Variants in VPS45 observed in about 807,000 individuals in gnomAD.
VPS45 encodes vacuolar protein sorting 45 homolog.
In VPS45, 35 loss-of-function variants were observed where a neutral mutation model predicts 75.9. That is an observed-to-expected ratio of 0.46 (90% CI 0.35 to 0.61). The LOEUF (loss-of-function observed/expected upper bound fraction) is 0.61, where lower values mean the gene tolerates loss of function less well. VPS45 is among the 20% of genes least tolerant of loss of function. The pLI is 0.00. For missense variants in VPS45, 559 were observed against 685.9 expected (o/e 0.81, Z 2.07); for synonymous variants, 220 against 238.2 (o/e 0.92, Z 0.70).
At chr1:150,084,703 T>C (rs1655908321) in intron 10 of VPS45, among the ~76,000 whole-genome samples, 1 of 152,178 alleles carries the variant, frequency 6.6e-6, no homozygotes, top group Non-Finnish European at 1.5e-5. Flanking sequence ...CCTGTTATAT[T>C]GGAAACAACT....
At chr1:150,140,871 A>C (rs1331130807) in intron 14 of VPS45, among the ~76,000 whole-genome samples, 3 of 152,224 alleles carry the variant, frequency 2.0e-5, no homozygotes, top group Non-Finnish European at 2.9e-5. Context: ...CGTAACTCTA[A>C]GGGGAAAGCA....
chr1:150,132,175 T>G (rs1553812541), intron 14 of VPS45, among the ~76,000 whole-genome samples: 2 of 152,202 alleles, frequency 1.3e-5, no homozygotes, highest in Non-Finnish European at 2.9e-5. Flanking sequence ...TGGGTTTGTT[T>G]CCTGCAGCCA....
intron 13 of VPS45, among the ~76,000 whole-genome samples, chr1:150,104,595 C>T (rs1368085655): frequency 1.3e-5 from 2 of 152,074 alleles, no homozygotes; most frequent in African/African-American, 2.4e-5. Context: ...CTTGAGACAG[C>T]ATCTCATTCT....
intron 13 of VPS45, among the ~76,000 whole-genome samples, chr1:150,096,451 G>A (rs1166569467): frequency 1.3e-5 from 2 of 152,162 alleles, no homozygotes; most frequent in African/African-American, 2.4e-5. Flanking sequence ...TACTTGTAAC[G>A]AAGAAGTTTA....
intron 4 of VPS45, 169 bp downstream of exon 4, chr1:150,076,481 C>A: frequency 2.0e-6 from 1 of 511,470 alleles, no homozygotes; most frequent in African/African-American, 2.0e-5. Context: ...AGCAAATAAA[C>A]TAGTTTTGAA....
rs587654383 is a variant in VPS45 at position 150,082,486 on chromosome 1, C to T, written c.937-230C>T. On this transcript the variant is annotated intron_variant, in intron 9 of 14. Coordinates refer to ENST00000644510, the MANE Select transcript of VPS45 (RefSeq NM_007259.5). Reference sequence around the variant, plus strand: ...CCAAGATCACGCCACTACACTCCAGCCTGGGCAACAAGAGCAAAACTCTGT... The same window carrying T: ...CCAAGATCACGCCACTACACTCCAGTCTGGGCAACAAGAGCAAAACTCTGT... Among the ~76,000 whole-genome samples the T allele has an allele frequency of 1.8e-3, 264 of 143,984 alleles. 1 individual carries two copies. The highest frequency in any genetic ancestry group is 2.6e-3 in the Admixed American group (37 of 14,090). 94.5% of individuals were successfully genotyped at this position (143,984 alleles called of 152,430 possible). A position where few individuals can be genotyped will look rare whatever the true frequency, so the allele number is the denominator to read the frequency against.
At chr1:150,091,104 C>T (rs587691661) in intron 10 of VPS45, among the ~76,000 whole-genome samples, 2 of 152,298 alleles carry the variant, frequency 1.3e-5, no homozygotes, top group East Asian at 3.9e-4. Context: ...TCTCACAGAA[C>T]TAAAGTACAT....
At chr1:150,143,042 C>G (rs1022145545) in intron 14 of VPS45, 44 of 290,144 alleles carry the variant, frequency 1.5e-4, no homozygotes, top group African/African-American at 9.8e-4. Flanking sequence ...TTGGATACCT[C>G]TGTGTTAAGC....
At chr1:150,101,658 C>T (rs1335297705) in intron 13 of VPS45, among the ~76,000 whole-genome samples, 1 of 151,420 alleles carries the variant, frequency 6.6e-6, no homozygotes, top group Non-Finnish European at 1.5e-5. Flanking sequence ...GGCTTGAACC[C>T]GGGAGGCAAA....
At chr1:150,101,836 G>A (rs1434156966) in intron 13 of VPS45, among the ~76,000 whole-genome samples, 1 of 152,074 alleles carries the variant, frequency 6.6e-6, no homozygotes, top group African/African-American at 2.4e-5. Context: ...CAACCATTGT[G>A]GAAAGCAGTA....
chr1:150,081,502 T>G (rs1553799368), intron 8 of VPS45, 26 bp downstream of exon 8: 15 of 1,586,824 alleles, frequency 9.5e-6, no homozygotes, highest in Non-Finnish European at 1.3e-5. Flanking sequence ...TTTTTTAAAT[T>G]GTCTTTAGTT....
intron 10 of VPS45, among the ~76,000 whole-genome samples, chr1:150,085,264 C>A (rs1655942614): frequency 6.6e-6 from 1 of 151,924 alleles, no homozygotes; most frequent in South Asian, 2.1e-4. Context: ...TTTGATTTTT[C>A]CCTTGAAAAC....
At position 150,098,938 on chromosome 1, in the gene VPS45, A is replaced by C. The variant is rs891492372; in HGVS notation, c.1493+5290A>C. The C allele has an allele frequency of 6.6e-6, 8 of 1,208,196 alleles. No homozygotes were observed. The African/African-American group carries it at 1.3e-4, about 19-fold the overall frequency. 74.8% of individuals were successfully genotyped at this position (1,208,196 alleles called of 1,614,324 possible). ...TGATCATGCATTCCAGAATCAGTCA[A>C]TTCAAAAAGGAAGTACTTTTCATGT... On this transcript the variant is annotated intron_variant, in intron 13 of 14. Transcript: ENST00000644510.
chr1:150,077,244 C>A lies in VPS45; in HGVS notation c.576+13C>A. The stretch of plus-strand genomic sequence containing the variant: ...AGAGTGCGTTAAGGTATGGCATTAC[C>A]TATTCCTGGTTCCAAAACATAAAGG... On this transcript the variant is annotated intron_variant, in intron 6 of 14. Coordinates refer to ENST00000644510, the MANE Select transcript of VPS45 (RefSeq NM_007259.5). The A allele has an allele frequency of 6.2e-7, 1 of 1,601,438 alleles. No individual in the cohort carries two copies. The highest frequency in any genetic ancestry group is 1.1e-5 in the South Asian group (1 of 87,972).
At chr1:150,109,626 A>G (rs1376445474) in intron 13 of VPS45, 2 of 152,188 alleles carry the variant, frequency 1.3e-5, no homozygotes, top group African/African-American at 2.4e-5. Flanking sequence ...TTAGTGTCCA[A>G]TGAGTGATTT....
intron 14 of VPS45, among the ~76,000 whole-genome samples, chr1:150,135,121 A>C (rs1232816148): frequency 1.3e-5 from 2 of 152,226 alleles, no homozygotes; most frequent in East Asian, 3.8e-4. Flanking sequence ...TGAAGTGCCC[A>C]GTTTCTTATA....
intron 2 of VPS45, among the ~76,000 whole-genome samples, chr1:150,070,084 C>G (rs1654966986): frequency 6.6e-6 from 1 of 152,148 alleles, no homozygotes. Context: ...CTTCCTCTGC[C>G]TGGAACTTAA....
At chr1:150,071,787 C>CAAAA (rs58767428) in intron 2 of VPS45, among the ~76,000 whole-genome samples, 53 of 134,454 alleles carry the variant, frequency 3.9e-4, no homozygotes, top group African/African-American at 1.1e-3. Context: ...GACTTAATCT[C>CAAAA]AAAAAAAAAA....
At chr1:150,080,605 A>G (rs1300973255) in intron 7 of VPS45, among the ~76,000 whole-genome samples, 1 of 152,208 alleles carries the variant, frequency 6.6e-6, no homozygotes, top group East Asian at 1.9e-4. Flanking sequence ...TATTTCTAGC[A>G]TTTAGATTCT....
Sources: gnomAD v4.1 joint callset for allele counts (sites outside exome capture counted in the v4.1 genomes callset) on GRCh38, gnomAD v4.1.1 for gene constraint, MANE v1.5 for transcripts, NCBI Gene and HGNC (gene_info 2026-07-23, HGNC 2026-07-21) for gene names.